Variants in DYRK1A observed in about 807,000 individuals in gnomAD.
The protein encoded by DYRK1A is dual specificity tyrosine phosphorylation regulated kinase 1A.
A neutral mutation model predicts 79.7 loss-of-function variants in DYRK1A; 9 were observed. The observed-to-expected ratio is 0.11, with a 90% CI of 0.07 to 0.20. The LOEUF is 0.20. Ranked by LOEUF, DYRK1A falls within the 10% of genes least tolerant of loss-of-function variation. DYRK1A has a pLI of 1.00. For missense variants in DYRK1A, 622 were observed against 956.0 expected, an observed-to-expected ratio of 0.65 and a Z score of 4.61; for synonymous variants, 349 against 329.7, an observed-to-expected ratio of 1.06 and a Z score of -0.63.
At chr21:37,366,612 T>C (rs1163557336), upstream of DYRK1A, among the ~76,000 whole-genome samples, 1 of 150,732 alleles carries the variant, frequency 6.6e-6, no homozygotes, top group African/African-American at 2.4e-5. Flanking sequence ...CTGAGGGGGT[T>C]GGGTGGTTGG....
chr21:37,387,814 TA>T (rs1460716717), intron 1 of DYRK1A, among the ~76,000 whole-genome samples: 1 of 152,242 alleles, frequency 6.6e-6, no homozygotes, highest in Non-Finnish European at 1.5e-5. Flanking sequence ...TGACTGGGTA[TA>T]GAAATGGAGT....
chr21:37,499,417 T>G (rs942934936), intron 9 of DYRK1A, among the ~76,000 whole-genome samples: 1 of 152,190 alleles, frequency 6.6e-6, no homozygotes, highest in Admixed American at 6.5e-5. Context: ...GGTCCTTTCT[T>G]TTCACATATG....
chr21:37,382,245 T>C (rs1231036546), intron 1 of DYRK1A, among the ~76,000 whole-genome samples: 1 of 151,772 alleles, frequency 6.6e-6, no homozygotes, highest in Non-Finnish European at 1.5e-5. Context: ...TTTTTTTTTA[T>C]AGTGATCTCA....
intron 2 of DYRK1A, among the ~76,000 whole-genome samples, chr21:37,440,449 T>C (rs189296692): frequency 9.4e-4 from 143 of 152,200 alleles, no homozygotes; most frequent in Non-Finnish European, 1.6e-3. Context: ...ATTTGCTCTT[T>C]TTCTAGTGTA....
At chr21:37,377,912 G>A (rs2049580156) in intron 1 of DYRK1A, among the ~76,000 whole-genome samples, 1 of 152,184 alleles carries the variant, frequency 6.6e-6, no homozygotes, top group Admixed American at 6.6e-5. Flanking sequence ...GTGAGTATTG[G>A]CCATAGGATG....
intron 5 of DYRK1A, chr21:37,481,728 A>T (rs2052648455): frequency 6.6e-6 from 1 of 152,094 alleles, no homozygotes; most frequent in Non-Finnish European, 1.5e-5. Flanking sequence ...TTTTCGGGTC[A>T]GGCGTGGTGA....
intron 2 of DYRK1A, among the ~76,000 whole-genome samples, chr21:37,464,104 A>C (rs1247642634): frequency 2.6e-5 from 4 of 152,194 alleles, no homozygotes; most frequent in African/African-American, 7.2e-5. Context: ...TATGTATCAG[A>C]GATGATGGCT....
In DYRK1A at chr21:37,513,072, T is replaced by TCCAGCTTCCACAAACA. The variant is rs1024438681; in HGVS notation, c.*545_*560dup. The TCCAGCTTCCACAAACA allele has an allele frequency of 6.4e-6, 1 of 155,046 alleles. No individual in the cohort carries two copies. Among genetic ancestry groups the TCCAGCTTCCACAAACA allele is most frequent in the African/African-American group, 2.4e-5 (1 of 41,386 alleles). The allele number at this position is 155,046 out of a possible 1,614,324, so 9.6% of individuals were successfully genotyped here. ...TGCAGTACTGTAAGGAAGAGGGACC[T>TCCAGCTTCCACAAACA]CCAGCTTCCACAAACACCATCTTCA... is the stretch of plus-strand genomic sequence containing the variant. On this transcript the variant is annotated 3_prime_UTR_variant, in exon 12 of 12. Transcript: ENST00000647188.
rs1288243402 is a variant in DYRK1A at position 37,518,654 on chromosome 21, C to T, written c.*6123C>T. ...TTTTTTGGAGACAGTCTTGCTTTGTCTCCCAGGTTGGTGTGCAGGGGTGTG... is the reference window on the plus strand; with the variant it reads ...TTTTTTGGAGACAGTCTTGCTTTGTTTCCCAGGTTGGTGTGCAGGGGTGTG... On this transcript the variant is annotated 3_prime_UTR_variant, in exon 12 of 12. Coordinates refer to ENST00000647188, the MANE Select transcript of DYRK1A (RefSeq NM_001347721.2). 7.5e-6 allele frequency: 1 copy of T among 134,120 alleles called. No homozygotes were observed. The highest frequency in any genetic ancestry group is 2.9e-5 in the African/African-American group (1 of 34,988). The allele number at this position is 134,120 out of a possible 1,614,324, so 8.3% of individuals were successfully genotyped here. A position where few individuals can be genotyped will look rare whatever the true frequency, so the allele number is the denominator to read the frequency against.
At chr21:37,451,252 T>C (rs2051437675) in intron 2 of DYRK1A, among the ~76,000 whole-genome samples, 1 of 152,178 alleles carries the variant, frequency 6.6e-6, no homozygotes, top group Admixed American at 6.5e-5. Context: ...TAAAATAAAT[T>C]AGTGTAGCTT....
intron 2 of DYRK1A, among the ~76,000 whole-genome samples, chr21:37,442,761 A>G (rs1046805930): frequency 1.3e-5 from 2 of 152,070 alleles, no homozygotes; most frequent in Non-Finnish European, 2.9e-5. Flanking sequence ...TTCTAGTTCA[A>G]TTTGGGTGTC....
intron 2 of DYRK1A, among the ~76,000 whole-genome samples, chr21:37,427,656 G>A (rs188317901): frequency 6.6e-6 from 1 of 152,158 alleles, no homozygotes; most frequent in African/African-American, 2.4e-5. Flanking sequence ...GAATTGTTAA[G>A]GTGAAGCATA....
At chr21:37,420,490 G>A (rs1157147845) in intron 2 of DYRK1A, 106 bp downstream of exon 2, 5 of 1,092,364 alleles carry the variant, frequency 4.6e-6, no homozygotes, top group Admixed American at 1.9e-5. Context: ...TTAGTGGGGG[G>A]AATTGTAGAT....
At chr21:37,477,163 A>G (rs1206683417) in intron 3 of DYRK1A, among the ~76,000 whole-genome samples, 1 of 152,094 alleles carries the variant, frequency 6.6e-6, no homozygotes, top group Non-Finnish European at 1.5e-5. Flanking sequence ...AGGTCTTAGT[A>G]TGATGTGTTT....
intron 3 of DYRK1A, among the ~76,000 whole-genome samples, chr21:37,475,726 T>C (rs920009845): frequency 1.3e-5 from 2 of 152,222 alleles, no homozygotes; most frequent in Non-Finnish European, 2.9e-5. Flanking sequence ...CACACACTCA[T>C]ATTGAGTGCA....
chr21:37,445,542 T>C (rs1160738823), intron 2 of DYRK1A, among the ~76,000 whole-genome samples: 1 of 152,192 alleles, frequency 6.6e-6, no homozygotes, highest in Admixed American at 6.5e-5. Context: ...TTGGGGAAGA[T>C]GCAGTTTTTG....
intron 1 of DYRK1A, among the ~76,000 whole-genome samples, chr21:37,393,646 T>C (rs1394390992): frequency 6.6e-6 from 1 of 152,262 alleles, no homozygotes; most frequent in Non-Finnish European, 1.5e-5. Context: ...TTTGTTGTCA[T>C]ATAACATGTT....
chr21:37,438,594 A>C (rs1411512670), intron 2 of DYRK1A, among the ~76,000 whole-genome samples: 1 of 152,174 alleles, frequency 6.6e-6, no homozygotes, highest in African/African-American at 2.4e-5. Flanking sequence ...TCCTTTCTCC[A>C]CTGAATTGCC....
At chr21:37,410,061 G>C (rs1360541401) in intron 1 of DYRK1A, among the ~76,000 whole-genome samples, 1 of 152,204 alleles carries the variant, frequency 6.6e-6, no homozygotes, top group Non-Finnish European at 1.5e-5. Context: ...CTGTGCTACA[G>C]ATATAAAAAC....
Sources: allele counts gnomAD v4.1 joint callset (sites outside exome capture counted in the v4.1 genomes callset), GRCh38; gene constraint gnomAD v4.1.1; transcripts MANE v1.5; gene names NCBI Gene and HGNC (gene_info 2026-07-23, HGNC 2026-07-21).